GALNT18: variants seen among roughly 807,000 people sequenced by gnomAD.
GALNT18 encodes the protein polypeptide N-acetylgalactosaminyltransferase 18, also known as GalNAc-transferase 18.
In GALNT18, 44 loss-of-function variants were observed where a neutral mutation model predicts 69.5. The ratio of observed to expected loss-of-function variants is 0.63; its 90% CI spans 0.50 to 0.81. GALNT18 has a LOEUF of 0.81. GALNT18 is among the 40% of genes least tolerant of loss of function. The probability of loss-of-function intolerance (pLI) is 0.00; values close to 1 mark genes in which losing one functional copy is unlikely to be tolerated. For missense variants in GALNT18, 715 were observed against 810.0 expected (o/e 0.88, Z 1.42); for synonymous variants, 364 against 318.2 (o/e 1.14, Z -1.53).
chr11:11,552,690 T>C (rs1858228085), intron 1 of GALNT18, among the ~76,000 whole-genome samples: 1 of 152,176 alleles, frequency 6.6e-6, no homozygotes, highest in Non-Finnish European at 1.5e-5. Flanking sequence ...AGGGATATAC[T>C]GTGACCCTGC....
intron 1 of GALNT18, among the ~76,000 whole-genome samples, chr11:11,521,226 T>C (rs1857392137): frequency 6.6e-6 from 1 of 152,004 alleles, no homozygotes. Flanking sequence ...GAGCTAGAAG[T>C]TCTCTAAGGA....
intron 6 of GALNT18, among the ~76,000 whole-genome samples, chr11:11,351,241 A>G (rs958512381): frequency 6.6e-6 from 1 of 152,220 alleles, no homozygotes; most frequent in African/African-American, 2.4e-5. Flanking sequence ...ACTCCTGCAC[A>G]TCGGGCTGCT....
intron 1 of GALNT18, among the ~76,000 whole-genome samples, chr11:11,554,792 C>T (rs1858287958): frequency 6.6e-6 from 1 of 152,116 alleles, no homozygotes; most frequent in Non-Finnish European, 1.5e-5. Flanking sequence ...CCTAGACACT[C>T]TACTTATGGA....
intron 1 of GALNT18, among the ~76,000 whole-genome samples, chr11:11,522,422 G>A (rs1036623005): frequency 1.3e-5 from 2 of 152,160 alleles, no homozygotes; most frequent in African/African-American, 4.8e-5. Context: ...AGGAGGGGAT[G>A]AGAGTGTCCC....
chr11:11,437,940 C>A (rs1436158794), intron 2 of GALNT18, among the ~76,000 whole-genome samples: 1 of 152,154 alleles, frequency 6.6e-6, no homozygotes, highest in Non-Finnish European at 1.5e-5. Context: ...CAACCACTCC[C>A]CTCAGGGGAT....
rs1374769201 is a variant in GALNT18, at chr11:11,465,046, C to A, written c.236-16110G>T. On this transcript the variant is annotated intron_variant, in intron 1 of 10. Coordinates refer to ENST00000227756, the MANE Select transcript of GALNT18 (RefSeq NM_198516.3). This position sits in a 1 kb window ranked among gnomAD's most constrained non-coding sequence, Gnocchi z 5.7. ...GCTTATTATTTCTTGTCTTCCCCAC[C>A]AGAGTCAAGTACACAGAGTAACTTA... Among the ~76,000 whole-genome samples the A allele has an allele frequency of 6.6e-6, 1 of 152,144 alleles. No individual in the cohort carries two copies. The highest frequency in any genetic ancestry group is 1.5e-5 in the Non-Finnish European group (1 of 68,032).
intron 6 of GALNT18, among the ~76,000 whole-genome samples, chr11:11,362,871 G>T (rs548692854): frequency 1.3e-5 from 2 of 152,176 alleles, no homozygotes; most frequent in East Asian, 3.9e-4. Flanking sequence ...ATAAAAATAT[G>T]AAAAAAGTAT....
chr11:11,531,983 G>T (rs74603018), intron 1 of GALNT18, among the ~76,000 whole-genome samples: 1 of 152,184 alleles, frequency 6.6e-6, no homozygotes, highest in Admixed American at 6.5e-5. Context: ...CTGTGTATGC[G>T]TGTGTGTCAT....
intron 9 of GALNT18, among the ~76,000 whole-genome samples, chr11:11,310,325 AG>A (rs2133028346): frequency 6.6e-6 from 1 of 152,346 alleles, no homozygotes; most frequent in African/African-American, 2.4e-5. Flanking sequence ...CCACTTAAAA[AG>A]CTTTAGTTAA....
intron 1 of GALNT18, among the ~76,000 whole-genome samples, chr11:11,537,836 A>T (rs934715867): frequency 2.0e-5 from 3 of 152,184 alleles, no homozygotes; most frequent in Admixed American, 6.5e-5. Flanking sequence ...CGAAGTTTGG[A>T]ATTCTCTGCC....
intron 1 of GALNT18, among the ~76,000 whole-genome samples, chr11:11,468,877 G>T (rs78110394): frequency 1.3e-5 from 2 of 152,164 alleles, no homozygotes; most frequent in African/African-American, 4.8e-5. Flanking sequence ...AGTCCAACAG[G>T]CTCCCTGCCT....
intron 1 of GALNT18, among the ~76,000 whole-genome samples, chr11:11,516,738 G>A (rs1008167848): frequency 3.3e-5 from 5 of 152,114 alleles, no homozygotes; most frequent in African/African-American, 1.2e-4. Flanking sequence ...GGCTAGACAG[G>A]GCCAAACACC....
rs565385018 is a variant in GALNT18, at chr11:11,506,588, A to G, written c.236-57652T>C. On this transcript the variant is annotated intron_variant, in intron 1 of 10. Coordinates refer to ENST00000227756, the MANE Select transcript of GALNT18 (RefSeq NM_198516.3). Reference sequence around the variant, plus strand: ...TAGTGCTGGCCATGCATCAACCAGAACTATTGATTCCCGTCATTGCTATTT... The same window carrying G: ...TAGTGCTGGCCATGCATCAACCAGAGCTATTGATTCCCGTCATTGCTATTT... 3.3e-5 allele frequency among the ~76,000 whole-genome samples: 5 copies of G among 152,330 alleles called. No homozygotes were observed. In the South Asian group the frequency reaches 1.0e-3, roughly 32 times the overall value.
chr11:11,409,665 G>A (rs888982794), intron 3 of GALNT18, among the ~76,000 whole-genome samples: 3 of 146,406 alleles, frequency 2.0e-5, no homozygotes, highest in African/African-American at 7.6e-5. Context: ...TCTGATCTCA[G>A]CCCTTTCTAA....
At chr11:11,426,435 G>A (rs1460144024) in intron 3 of GALNT18, among the ~76,000 whole-genome samples, 1 of 152,204 alleles carries the variant, frequency 6.6e-6, no homozygotes, top group African/African-American at 2.4e-5. Context: ...AAGAATCAGA[G>A]TGCCCTGGAG....
At chr11:11,354,846 C>A (rs111781473) in intron 6 of GALNT18, among the ~76,000 whole-genome samples, 1 of 152,182 alleles carries the variant, frequency 6.6e-6, no homozygotes, top group African/African-American at 2.4e-5. Flanking sequence ...GCCTCCCCAT[C>A]TGTCCCTTAG....
rs1471771508 is a variant in GALNT18, at chr11:11,511,787, G to C, written c.236-62851C>G. ...TCTTTTTGCCATGTGAGGATACAAT[G>C]AGAAGTTGGCAGTAAACAACCCAGA... On this transcript the variant is annotated intron_variant, in intron 1 of 10. Coordinates refer to ENST00000227756, the MANE Select transcript of GALNT18 (RefSeq NM_198516.3). The surrounding 1 kb of genome is among the most constrained non-coding windows in gnomAD (Gnocchi z 4.9). 6.6e-6 allele frequency among the ~76,000 whole-genome samples: 1 copy of C among 152,116 alleles called. No individual in the cohort carries two copies. The highest frequency in any genetic ancestry group is 1.5e-5 in the Non-Finnish European group (1 of 68,028).
At chr11:11,526,033 G>A (rs540099496) in intron 1 of GALNT18, among the ~76,000 whole-genome samples, 1 of 152,304 alleles carries the variant, frequency 6.6e-6, no homozygotes, top group Non-Finnish European at 1.5e-5. Flanking sequence ...TGGAGTGGGG[G>A]AAAGGTATGA....
intron 1 of GALNT18, among the ~76,000 whole-genome samples, chr11:11,520,940 C>T (rs1395703229): frequency 4.6e-5 from 7 of 152,034 alleles, no homozygotes; most frequent in Admixed American, 3.3e-4. Flanking sequence ...GGAAGCACAT[C>T]GCAGGGTCCA....
Sources: gnomAD v4.1 joint callset for allele counts (sites outside exome capture counted in the v4.1 genomes callset) on GRCh38, gnomAD v4.1.1 for gene constraint, Gnocchi (gnomAD v3.1) non-coding constraint, MANE v1.5 for transcripts, NCBI Gene and HGNC (gene_info 2026-07-23, HGNC 2026-07-21) for gene names.